The following LGR6 variants were observed in gnomAD, a reference collection of about 807,000 sequenced individuals.
LGR6 encodes the protein leucine rich repeat containing G protein-coupled receptor 6.
Under a neutral mutation model 69.4 loss-of-function variants are expected in LGR6, and 45 were observed. The observed-to-expected ratio is 0.65, with a 90% CI of 0.51 to 0.83. The LOEUF (loss-of-function observed/expected upper bound fraction) is 0.83, where lower values mean the gene tolerates loss of function less well. Among genes scored for constraint, LGR6 ranks in the 40% least tolerant of loss-of-function variants. The pLI, the probability that LGR6 is intolerant of heterozygous loss-of-function variation, is 0.00. For missense variants in LGR6, 1,108 were observed against 1,246.7 expected (o/e 0.89, Z 1.68); for synonymous variants, 538 against 555.0 (o/e 0.97, Z 0.43).
At chr1:202,299,869 T>C (rs1667452007) in intron 7 of LGR6, among the ~76,000 whole-genome samples, 1 of 152,150 alleles carries the variant, frequency 6.6e-6, no homozygotes, top group African/African-American at 2.4e-5. Flanking sequence ...GTTATGTACT[T>C]TTCAGTCCAA....
intron 2 of LGR6, among the ~76,000 whole-genome samples, chr1:202,227,660 C>T (rs1300066607): frequency 6.6e-6 from 1 of 152,142 alleles, no homozygotes; most frequent in Non-Finnish European, 1.5e-5. Flanking sequence ...ACACCAGGCT[C>T]TGCCATGGAC....
At chr1:202,210,284 A>C (rs1659410230) in intron 1 of LGR6, among the ~76,000 whole-genome samples, 1 of 152,066 alleles carries the variant, frequency 6.6e-6, no homozygotes, top group Non-Finnish European at 1.5e-5. Flanking sequence ...GGGCCTGGCC[A>C]CCATTGCTCT....
At chr1:202,317,289 C>T (rs1375898009) in intron 17 of LGR6, among the ~76,000 whole-genome samples, 3 of 152,116 alleles carry the variant, frequency 2.0e-5, no homozygotes, top group African/African-American at 7.2e-5. Context: ...AACATTTCCT[C>T]AATATCTGGG....
At chr1:202,293,235 A>G (rs1040947003) in intron 6 of LGR6, among the ~76,000 whole-genome samples, 2 of 152,172 alleles carry the variant, frequency 1.3e-5, no homozygotes, top group African/African-American at 4.8e-5. Context: ...CTTTGCTCCA[A>G]CCAAGCGATA....
intron 1 of LGR6, chr1:202,203,918 A>G (rs1658927138): frequency 7.0e-7 from 1 of 1,421,492 alleles, no homozygotes. Flanking sequence ...GGGGGTGTTT[A>G]GCACAGAGGG....
rs375660902 is a variant in LGR6, at chr1:202,318,169, T to C, written c.1866T>C (p.Asp622=). The C allele has an allele frequency of 2.9e-5, 47 of 1,613,742 alleles. No individual in the cohort carries two copies. In the African/African-American group the frequency reaches 5.9e-4, roughly 20 times the overall value. ...GISCGLLASV[D]ALTFGQFSEY... Reference sequence around the variant, plus strand: ...CCTGTGGCCTTCTAGCCTCAGTCGATGCCCTGACCTTTGGTCAGTTCTCTG... The same window carrying C: ...CCTGTGGCCTTCTAGCCTCAGTCGACGCCCTGACCTTTGGTCAGTTCTCTG... The change falls in exon 18 of 18, where the codon GAT becomes GAC. Residue 622 remains aspartate, a synonymous_variant. Transcript: ENST00000367278.
At chr1:202,208,405 G>T (rs1438994956) in intron 1 of LGR6, among the ~76,000 whole-genome samples, 1 of 135,368 alleles carries the variant, frequency 7.4e-6, no homozygotes, top group Non-Finnish European at 1.6e-5. Flanking sequence ...GAGAAGGAGG[G>T]GGGAGAGAGA....
chr1:202,228,357 G>A (rs1242522332), intron 3 of LGR6, among the ~76,000 whole-genome samples: 1 of 152,154 alleles, frequency 6.6e-6, no homozygotes, highest in African/African-American at 2.4e-5. Context: ...CCAAGAGACG[G>A]ATAAGACTGT....
chr1:202,287,139 G>A (rs184492816), intron 6 of LGR6, among the ~76,000 whole-genome samples: 26 of 152,156 alleles, frequency 1.7e-4, no homozygotes, highest in African/African-American at 6.3e-4. Context: ...GGAAGGAGGA[G>A]CTGGTAAGAA....
intron 3 of LGR6, among the ~76,000 whole-genome samples, chr1:202,234,493 A>G (rs1661355786): frequency 6.6e-6 from 1 of 152,198 alleles, no homozygotes. Flanking sequence ...ATGGAAAACA[A>G]CTCAGGCTCA....
chr1:202,300,764 T>C, intron 7 of LGR6, 85 bp from the exon 8 acceptor site: 6 of 907,468 alleles, frequency 6.6e-6, no homozygotes, highest in Non-Finnish European at 1.0e-5. Context: ...TCTAGCTTGC[T>C]GTCCAAAAGC....
intron 16 of LGR6, among the ~76,000 whole-genome samples, chr1:202,312,957 G>T (rs192019740): frequency 1.3e-5 from 2 of 152,060 alleles, no homozygotes; most frequent in African/African-American, 4.8e-5. Context: ...GGCCGGGCAC[G>T]GTGGCTCACG....
At chr1:202,197,546 T>C (rs1658690020) in intron 1 of LGR6, 1 of 492,434 alleles carries the variant, frequency 2.0e-6, no homozygotes, top group African/African-American at 2.0e-5. Context: ...AGCCCCTGGC[T>C]CTGGGACATC....
chr1:202,315,419 C>T (rs532204390), intron 17 of LGR6, among the ~76,000 whole-genome samples: 2 of 152,324 alleles, frequency 1.3e-5, no homozygotes, highest in South Asian at 4.1e-4. Context: ...GCGGAAGCCT[C>T]CTTTAGCATC....
intron 16 of LGR6, among the ~76,000 whole-genome samples, chr1:202,313,100 G>A (rs113524507): frequency 1.3e-3 from 193 of 152,056 alleles, no homozygotes; most frequent in African/African-American, 4.4e-3. Context: ...GGTGGCGGGC[G>A]CCTGTAGTCC....
In LGR6 at chr1:202,230,166, C is replaced by A. The variant is rs946854044; in HGVS notation, c.356+2159C>A. On this transcript the variant is annotated intron_variant, in intron 3 of 17. Coordinates refer to ENST00000367278, the MANE Select transcript of LGR6 (RefSeq NM_001017403.2). The stretch of plus-strand genomic sequence containing the variant: ...ACACTCTGCCTTGGTCCTTCTCTCC[C>A]GAGGCAAAGGATTAAATAAAGAGGA... Among the ~76,000 whole-genome samples the A allele has an allele frequency of 2.0e-5, 3 of 152,146 alleles. No individual in the cohort carries two copies. In the South Asian group the frequency reaches 6.2e-4, roughly 32 times the overall value.
intron 1 of LGR6, among the ~76,000 whole-genome samples, chr1:202,195,346 G>C (rs1658600704): frequency 6.6e-6 from 1 of 152,210 alleles, no homozygotes. Context: ...TCAGTGTTGG[G>C]AGTGTCCTGG....
intron 4 of LGR6, among the ~76,000 whole-genome samples, chr1:202,257,371 T>G (rs762228996): frequency 6.6e-6 from 1 of 152,212 alleles, no homozygotes; most frequent in Admixed American, 6.5e-5. Flanking sequence ...AAAAAACCAT[T>G]ACCTAATCCG....
chr1:202,207,801 C>T (rs1006709476), intron 1 of LGR6, among the ~76,000 whole-genome samples: 2 of 152,184 alleles, frequency 1.3e-5, no homozygotes, highest in African/African-American at 2.4e-5. Flanking sequence ...CCTAGAACGG[C>T]GTCTGGCACA....
Sources: gnomAD v4.1 joint callset for allele counts (sites outside exome capture counted in the v4.1 genomes callset) on GRCh38, gnomAD v4.1.1 for gene constraint, MANE v1.5 for transcripts, NCBI Gene and HGNC (gene_info 2026-07-23, HGNC 2026-07-21) for gene names.